Variants in DST observed in about 807,000 individuals in gnomAD.
The protein encoded by DST is dystonin.
A neutral mutation model predicts 875.2 loss-of-function variants in DST; 253 were observed. The ratio of observed to expected loss-of-function variants is 0.29; its 90% CI spans 0.26 to 0.32. The LOEUF (loss-of-function observed/expected upper bound fraction) is 0.32, where lower values mean the gene tolerates loss of function less well. DST is among the 10% of genes least tolerant of loss of function. The probability of loss-of-function intolerance (pLI) is 1.00; values close to 1 mark genes in which losing one functional copy is unlikely to be tolerated. For missense variants in DST, 8,287 were observed against 9,111.6 expected (o/e 0.91, Z 3.68); for synonymous variants, 3,124 against 3,197.1 (o/e 0.98, Z 0.77).
At chr6:56,669,646 C>T (rs549175628) in intron 10 of DST, among the ~76,000 whole-genome samples, 2 of 151,448 alleles carry the variant, frequency 1.3e-5, no homozygotes, top group African/African-American at 2.4e-5. Context: ...AAATACTTTC[C>T]GGGGATTTAG....
chr6:56,954,529 A>C lies in DST; in HGVS notation c.59T>G (p.Phe20Cys), dbSNP rs1824254007. 2.9e-6 allele frequency: 4 copies of C among 1,367,326 alleles called. No homozygotes were observed. In the South Asian group the frequency reaches 4.5e-5, roughly 16 times the overall value. 84.7% of individuals were successfully genotyped at this position (1,367,326 alleles called of 1,614,324 possible). Residue 20 changes from phenylalanine (F) to cysteine (C), a missense_variant, in exon 1 of 104, where the codon TTC (phenylalanine) becomes TGC (cysteine). By Grantham distance (205) the Phe-to-Cys change is radical. Around this residue, in one of 10 missense-constraint regions of DST, gnomAD observed 1,160 missense variants for 1,424.3 expected, o/e 0.81. Coordinates refer to ENST00000680361, the MANE Select transcript of DST (RefSeq NM_001374736.1). ...GGTGCCCAGCAGAAGCAACAAGAGG[A>C]AGAGGGCACATTGGATGCTGTAGGG... ...LRPYSIQCALFLLLLLLGTIA... is the reference protein window; with the variant it reads ...LRPYSIQCALCLLLLLLGTIA...
chr6:56,618,793 G>C, intron 36 of DST: 2 of 1,614,076 alleles, frequency 1.2e-6, no homozygotes, highest in Non-Finnish European at 1.7e-6. Flanking sequence ...CTGATTGTTT[G>C]AATTTACCAG....
At position 56,551,680 on chromosome 6, in the gene DST, A is replaced by G. The variant is rs77628757; in HGVS notation, c.16608+504T>C. ...ATGAGCCTAAGACCTTTGTTTAATG[A>G]AACAGATTACAACATGGAACTCCAT... is the stretch of plus-strand genomic sequence containing the variant. On this transcript the variant is annotated intron_variant, in intron 61 of 103. Coordinates refer to ENST00000680361, the MANE Select transcript of DST (RefSeq NM_001374736.1). Among the ~76,000 whole-genome samples the G allele has an allele frequency of 2.8e-3, 420 of 152,356 alleles. 4 individuals are homozygous for G. The highest frequency in any genetic ancestry group is 0.017 in the Middle Eastern group (5 of 294).
intron 3 of DST, among the ~76,000 whole-genome samples, chr6:56,875,053 C>A (rs141227802): frequency 0.023 from 3,575 of 152,226 alleles, 123 homozygotes; most frequent in African/African-American, 0.081. Context: ...GCGCGATCTC[C>A]GCTCACTGCA....
chr6:56,711,769 A>ATCTT (rs1457146405), intron 5 of DST, among the ~76,000 whole-genome samples: 1 of 152,182 alleles, frequency 6.6e-6, no homozygotes, highest in Admixed American at 6.5e-5. Flanking sequence ...AAGAACAGCT[A>ATCTT]ATAAATATTA....
In DST at chr6:56,908,096, T is replaced by C. The variant is rs893114885; in HGVS notation, c.217-7475A>G. 9.0e-5 allele frequency among the ~76,000 whole-genome samples: 13 copies of C among 143,750 alleles called. 1 individual carries two copies. The highest frequency in any genetic ancestry group is 3.4e-4 in the African/African-American group (13 of 37,826). 94.3% of individuals were successfully genotyped at this position (143,750 alleles called of 152,430 possible). ...CAAAAAAAGAAAATACATATATATA[T>C]ATACACACACACACACACACATATA... On this transcript the variant is annotated intron_variant, in intron 2 of 103. Transcript: ENST00000680361.
intron 4 of DST, among the ~76,000 whole-genome samples, chr6:56,783,695 C>T (rs2099699110): frequency 6.6e-6 from 1 of 152,044 alleles, no homozygotes; most frequent in East Asian, 1.9e-4. Context: ...CAGTCTGTGT[C>T]TTTTAATTGG....
intron 9 of DST, chr6:56,693,539 T>C (rs2152862878): frequency 5.7e-6 from 2 of 351,092 alleles, no homozygotes; most frequent in Middle Eastern, 3.0e-3. Flanking sequence ...AGTTTGCACT[T>C]AACCTTTGAA....
intron 2 of DST, among the ~76,000 whole-genome samples, chr6:56,918,595 A>G (rs936825704): frequency 7.2e-5 from 11 of 152,210 alleles, no homozygotes; most frequent in African/African-American, 1.9e-4. Context: ...TCCGTAGGAA[A>G]AAGTTTGAGA....
chr6:56,514,699 C>T (rs1172767829), intron 72 of DST, among the ~76,000 whole-genome samples: 5 of 152,064 alleles, frequency 3.3e-5, no homozygotes, highest in Non-Finnish European at 7.3e-5. Context: ...ACTAGGTTCA[C>T]AAGTCCATAA....
At chr6:56,909,071 T>C (rs906592431) in intron 2 of DST, among the ~76,000 whole-genome samples, 4 of 152,332 alleles carry the variant, frequency 2.6e-5, no homozygotes, top group Non-Finnish European at 4.4e-5. Flanking sequence ...AATTCTTTCT[T>C]GTGGGAGATC....
rs1391281304 is a variant in DST at position 56,640,238 on chromosome 6, G to A, written c.2395C>T (p.Leu799Phe). The A allele has an allele frequency of 1.2e-6, 2 of 1,614,016 alleles. No individual in the cohort carries two copies. Among genetic ancestry groups the A allele is most frequent in the African/African-American group, 2.7e-5 (2 of 74,916 alleles). ...TGATCCAGCAAAGAAGACTTTAGAA[G>A]GGGTTTTCGGATCTGCATCAACTTC... Reference protein sequence around the residue: ...TLKLMQIRKPLLKSSLLDQNL... With the variant: ...TLKLMQIRKPFLKSSLLDQNL... Residue 799 changes from leucine to phenylalanine, a missense_variant, in exon 18 of 104, where the codon CTT becomes TTT. Leu to Phe is a conservative substitution (Grantham distance 22). Transcript: ENST00000680361.
In DST at chr6:56,471,321, A is replaced by G; in HGVS notation, c.22159-53T>C. The G allele has an allele frequency of 1.1e-5, 15 of 1,329,356 alleles. 1 individual carries two copies. Among genetic ancestry groups the G allele is most frequent in the Non-Finnish European group, 1.6e-5 (15 of 963,974 alleles). 82.3% of individuals were successfully genotyped at this position (1,329,356 alleles called of 1,614,324 possible). A position where few individuals can be genotyped will look rare whatever the true frequency, so the allele number is the denominator to read the frequency against. On this transcript the variant is annotated intron_variant, in intron 94 of 103. Transcript: ENST00000680361. ...AGTTAATGCTGTACTAAAATTGTAG[A>G]CTATACTATATGAATAACTTTTGAA...
chr6:56,488,115 T>C (rs1486206539), intron 86 of DST, among the ~76,000 whole-genome samples: 1 of 152,210 alleles, frequency 6.6e-6, no homozygotes, highest in Non-Finnish European at 1.5e-5. Context: ...TACAATCACA[T>C]TATTTCTACA....
chr6:56,489,171 T>C (rs2095659660), intron 86 of DST, among the ~76,000 whole-genome samples: 1 of 152,208 alleles, frequency 6.6e-6, no homozygotes, highest in Non-Finnish European at 1.5e-5. Context: ...AAGACAGCTA[T>C]CATGAAAAAC....
In DST at chr6:56,640,048, C is replaced by G; in HGVS notation, c.2500G>C (p.Asp834His). The G allele has an allele frequency of 6.2e-7, 1 of 1,613,992 alleles. No homozygotes were observed. Among genetic ancestry groups the G allele is most frequent in the Non-Finnish European group, 8.5e-7 (1 of 1,179,972 alleles). The change falls in exon 19 of 104, where the codon GAC becomes CAC. Residue 834 changes from aspartate to histidine, a missense_variant. Transcript: ENST00000680361. ...NWVDEMQVQL[D>H]RTEWGSDLPS... Reference sequence around the variant, plus strand: ...AAATCTGAGCCCCACTCAGTGCGGTCCAGTTGTACCTTCAGACAGTAAAAT... The same window carrying G: ...AAATCTGAGCCCCACTCAGTGCGGTGCAGTTGTACCTTCAGACAGTAAAAT...
At position 56,606,805 on chromosome 6, in the gene DST, C is replaced by A. The variant is rs770000462; in HGVS notation, c.7823G>T (p.Ser2608Ile). 6.2e-7 allele frequency: 1 copy of A among 1,613,094 alleles called. No individual in the cohort carries two copies. The highest frequency in any genetic ancestry group is 2.2e-5 in the East Asian group (1 of 44,872). The change falls in exon 40 of 104, where the codon AGT (serine) becomes ATT (isoleucine). Residue 2608 changes from serine (S) to isoleucine (I), a missense_variant. Physicochemically the swap from Ser to Ile is moderately radical, Grantham distance 142 (BLOSUM62 -2). Coordinates refer to ENST00000680361, the MANE Select transcript of DST (RefSeq NM_001374736.1). ...GGGAGTATCATAAAAATCATCATCA[C>A]TATCAGTGTCTGTTCCTGTGTTATT... ...QQNNTGTDTD[S>I]DDDFYDTPLF...
chr6:56,562,437 A>T, intron 55 of DST, among the ~76,000 whole-genome samples: 1 of 151,994 alleles, frequency 6.6e-6, no homozygotes, highest in African/African-American at 2.4e-5. Flanking sequence ...TATTATATAA[A>T]TTAATCATTA....
At chr6:56,662,811 G>T (rs12664398) in intron 10 of DST, among the ~76,000 whole-genome samples, 2 of 149,860 alleles carry the variant, frequency 1.3e-5, no homozygotes, top group African/African-American at 2.5e-5. Flanking sequence ...GCATGGGGGC[G>T]GGGGGGTCAT....
Sources: gnomAD v4.1 joint callset for allele counts (sites outside exome capture counted in the v4.1 genomes callset) on GRCh38, gnomAD v4.1.1 for gene constraint, gnomAD v4.1.1 regional missense constraint, MANE v1.5 for transcripts, NCBI Gene and HGNC (gene_info 2026-07-23, HGNC 2026-07-21) for gene names.